The following SHISA9 variants were observed in gnomAD, a reference collection of about 807,000 sequenced individuals.
SHISA9 encodes the protein protein shisa-9.
SHISA9 carries 13 observed loss-of-function variants against 38.0 expected under a neutral mutation model. That is an observed-to-expected ratio of 0.34 (90% CI 0.22 to 0.54). The LOEUF (loss-of-function observed/expected upper bound fraction) is 0.54. Among genes scored for constraint, SHISA9 ranks in the 20% least tolerant of loss-of-function variants. The pLI, the probability that SHISA9 is intolerant of heterozygous loss-of-function variation, is 0.91. For synonymous variants in SHISA9, 275 were observed against 242.0 expected (o/e 1.14, Z -1.27); for missense variants, 538 against 575.8 (o/e 0.93, Z 0.67).
At chr16:13,554,373 A>G in the SHISA9 span, among the ~76,000 whole-genome samples, 1 of 151,364 alleles carries the variant, frequency 6.6e-6, no homozygotes, top group East Asian at 1.9e-4. Context: ...GAAACAGAGG[A>G]CTTATATGCT....
At chr16:13,489,501 G>T in the SHISA9 span, among the ~76,000 whole-genome samples, 1 of 152,146 alleles carries the variant, frequency 6.6e-6, no homozygotes, top group Non-Finnish European at 1.5e-5. Flanking sequence ...ATTCCCACGT[G>T]TTGTGAGAGG....
intron 2 of SHISA9, among the ~76,000 whole-genome samples, chr16:13,022,334 A>ATT (rs111818963): frequency 3.4e-5 from 5 of 145,868 alleles, no homozygotes; most frequent in East Asian, 2.0e-4. Context: ...ACATTAAAAA[A>ATT]ATTTTTTTTT....
chr16:13,544,741 G>A, the SHISA9 span, among the ~76,000 whole-genome samples: 3 of 152,008 alleles, frequency 2.0e-5, no homozygotes, highest in East Asian at 1.9e-4. Context: ...TCAGGAGCTC[G>A]AGACCAGCCT....
At chr16:13,288,797 A>G in the SHISA9 span, among the ~76,000 whole-genome samples, 1 of 152,152 alleles carries the variant, frequency 6.6e-6, no homozygotes. Flanking sequence ...CTTAAAACAA[A>G]AACAAAAACA....
chr16:13,139,036 G>A lies in SHISA9; in HGVS notation c.692-64358G>A, dbSNP rs146696484. Among the ~76,000 whole-genome samples, 56 of 152,238 alleles carry A rather than the reference G, an allele frequency of 3.7e-4. 1 individual carries two copies. The highest frequency in any genetic ancestry group is 8.5e-4 in the Admixed American group (13 of 15,298). On this transcript the variant is annotated intron_variant, in intron 2 of 4. Coordinates refer to ENST00000558583, the MANE Select transcript of SHISA9 (RefSeq NM_001145204.3). ...CCTCAAACGTGGGGTACTAAGTTGC[G>A]AATTAGAGGAATGAAGTTGTCACCA...
intron 2 of SHISA9, among the ~76,000 whole-genome samples, chr16:13,041,903 G>A (rs1476011024): frequency 6.6e-6 from 1 of 152,174 alleles, no homozygotes; most frequent in Non-Finnish European, 1.5e-5. Context: ...AGAATATTTA[G>A]CACATATGAG....
At chr16:13,037,563 T>C (rs957413366) in intron 2 of SHISA9, among the ~76,000 whole-genome samples, 13 of 152,016 alleles carry the variant, frequency 8.6e-5, no homozygotes, top group Non-Finnish European at 1.8e-4. Flanking sequence ...AGATGAACTC[T>C]TCTTTGCAAG....
At chr16:13,170,949 G>C (rs531768815) in intron 2 of SHISA9, among the ~76,000 whole-genome samples, 7 of 151,968 alleles carry the variant, frequency 4.6e-5, no homozygotes, top group African/African-American at 1.7e-4. Context: ...CAACCACCGC[G>C]CTGGGCCTAA....
intron 2 of SHISA9, among the ~76,000 whole-genome samples, chr16:13,169,191 T>C (rs1339359145): frequency 1.3e-5 from 2 of 152,176 alleles, no homozygotes; most frequent in African/African-American, 4.8e-5. Flanking sequence ...CCCAGCTCCA[T>C]TGGAAGGTCA....
chr16:13,446,118 T>C, the SHISA9 span, among the ~76,000 whole-genome samples: 1 of 152,110 alleles, frequency 6.6e-6, no homozygotes, highest in South Asian at 2.1e-4. Context: ...AGTTTTTTTG[T>C]GTGTTTTTAG....
intron 2 of SHISA9, among the ~76,000 whole-genome samples, chr16:13,009,873 T>C (rs2072648345): frequency 6.6e-6 from 1 of 152,154 alleles, no homozygotes; most frequent in Non-Finnish European, 1.5e-5. Flanking sequence ...GGCCTGTTTT[T>C]CCTTTTTATA....
chr16:13,449,749 CAT>C, the SHISA9 span, among the ~76,000 whole-genome samples: 1 of 152,162 alleles, frequency 6.6e-6, no homozygotes, highest in Non-Finnish European at 1.5e-5. Context: ...TGCTTCTACC[CAT>C]ATGTCCCACC....
chr16:13,482,812 AAAAAAG>A, the SHISA9 span, among the ~76,000 whole-genome samples: 1 of 151,288 alleles, frequency 6.6e-6, no homozygotes. Flanking sequence ...AAAAAAAAAA[AAAAAAG>A]AGAGAGAGAG....
intron 2 of SHISA9, among the ~76,000 whole-genome samples, chr16:13,009,966 C>G (rs932932613): frequency 6.6e-6 from 1 of 152,116 alleles, no homozygotes; most frequent in Non-Finnish European, 1.5e-5. Context: ...CATTTGAGGT[C>G]AGGAGTTTGA....
intron 2 of SHISA9, among the ~76,000 whole-genome samples, chr16:12,961,764 T>TCC (rs35005963): frequency 0.19 from 28,269 of 152,084 alleles, 3,231 homozygotes; most frequent in Middle Eastern, 0.32. Flanking sequence ...ACTAGAAATT[T>TCC]CCCTCCAATC....
At chr16:13,255,020 C>A in the SHISA9 span, among the ~76,000 whole-genome samples, 1 of 152,166 alleles carries the variant, frequency 6.6e-6, no homozygotes, top group Non-Finnish European at 1.5e-5. Flanking sequence ...TCTATATCAT[C>A]CTCTTTTTCT....
chr16:13,246,488 A>G, the SHISA9 span: 1 of 152,208 alleles, frequency 6.6e-6, no homozygotes, highest in Non-Finnish European at 1.5e-5. Flanking sequence ...TTTCTCATAC[A>G]TTCAGTCTCA....
At chr16:13,086,435 A>T (rs2073711893) in intron 2 of SHISA9, among the ~76,000 whole-genome samples, 1 of 151,816 alleles carries the variant, frequency 6.6e-6, no homozygotes, top group African/African-American at 2.4e-5. Flanking sequence ...AACAAATCAG[A>T]TATAGCTTCA....
intron 2 of SHISA9, among the ~76,000 whole-genome samples, chr16:13,153,443 C>G (rs1216567185): frequency 6.6e-6 from 1 of 152,128 alleles, no homozygotes; most frequent in African/African-American, 2.4e-5. Context: ...TTGAGAAATT[C>G]CGGCTGCATA....
Sources: gnomAD v4.1 joint callset for allele counts (sites outside exome capture counted in the v4.1 genomes callset) on GRCh38, gnomAD v4.1.1 for gene constraint, MANE v1.5 for transcripts, NCBI Gene and HGNC (gene_info 2026-07-23, HGNC 2026-07-21) for gene names.